The following ASAP1 variants were observed in gnomAD, a reference collection of about 807,000 sequenced individuals.
ASAP1 encodes the protein arf-GAP with SH3 domain, ANK repeat and PH domain-containing protein 1.
Under a neutral mutation model 145.2 loss-of-function variants are expected in ASAP1, and 43 were observed. The ratio of observed to expected loss-of-function variants is 0.30; its 90% CI spans 0.23 to 0.38. The LOEUF is 0.38. ASAP1 is among the 10% of genes least tolerant of loss of function. The pLI, the probability that ASAP1 is intolerant of heterozygous loss-of-function variation, is 1.00. For missense variants in ASAP1, 1,018 were observed against 1,355.3 expected (o/e 0.75, Z 3.91); for synonymous variants, 546 against 515.5 (o/e 1.06, Z -0.80).
chr8:130,331,011 G>C (rs996734831), intron 3 of ASAP1, among the ~76,000 whole-genome samples: 1 of 152,048 alleles, frequency 6.6e-6, no homozygotes, highest in Non-Finnish European at 1.5e-5. Context: ...GCTGTCCATT[G>C]GCCAGACCAG....
At chr8:130,185,564 TA>T (rs1814658396) in intron 7 of ASAP1, among the ~76,000 whole-genome samples, 1 of 151,442 alleles carries the variant, frequency 6.6e-6, no homozygotes, top group South Asian at 2.1e-4. Context: ...CCGTCTCTAC[TA>T]AAAATACAAA....
chr8:130,213,566 G>T (rs1027401529), intron 5 of ASAP1, among the ~76,000 whole-genome samples: 3 of 152,156 alleles, frequency 2.0e-5, no homozygotes, highest in African/African-American at 7.2e-5. Flanking sequence ...AATGAGTTCT[G>T]GATCCTTAAA....
chr8:130,186,111 CT>C (rs766594637), intron 7 of ASAP1, among the ~76,000 whole-genome samples: 2 of 152,118 alleles, frequency 1.3e-5, no homozygotes, highest in Admixed American at 6.6e-5. Context: ...ACTGTTGTCT[CT>C]GGGCAGCGGC....
At chr8:130,199,004 C>T (rs1270891442) in intron 5 of ASAP1, among the ~76,000 whole-genome samples, 1 of 152,164 alleles carries the variant, frequency 6.6e-6, no homozygotes, top group African/African-American at 2.4e-5. Flanking sequence ...CCACTTTGCA[C>T]GTGCTTTACT....
Position 130,119,655 on chromosome 8 carries a change from C to G in ASAP1, c.1608-980G>C, listed in dbSNP as rs147058183. ...GTGATGCTGTCTGACAGCCTGGATC[C>G]AGCTGTACCTGAATCCACCCCTTGA... On this transcript the variant is annotated intron_variant, in intron 18 of 29. Coordinates refer to ENST00000518721, the MANE Select transcript of ASAP1 (RefSeq NM_018482.4). Among the ~76,000 whole-genome samples the G allele has an allele frequency of 2.4e-3, 370 of 152,286 alleles. 2 individuals are homozygous for G. The highest frequency in any genetic ancestry group is 7.0e-3 in the South Asian group (34 of 4,826).
chr8:130,152,593 T>TC, intron 13 of ASAP1, 143 bp downstream of exon 13: 1 of 369,212 alleles, frequency 2.7e-6, no homozygotes, highest in South Asian at 7.8e-5. Context: ...GATAAAACTT[T>TC]TTTTTTTTTT....
chr8:130,071,264 G>T (rs1213723276), intron 27 of ASAP1, among the ~76,000 whole-genome samples: 1 of 152,006 alleles, frequency 6.6e-6, no homozygotes. Flanking sequence ...GAGCCACTGC[G>T]CCCAACACTT....
At chr8:130,311,169 T>G (rs1823319149) in intron 3 of ASAP1, among the ~76,000 whole-genome samples, 1 of 152,198 alleles carries the variant, frequency 6.6e-6, no homozygotes, top group Admixed American at 6.5e-5. Flanking sequence ...AAGTGACAAG[T>G]GCAATGCACC....
At chr8:130,182,094 A>G (rs1342028227) in intron 7 of ASAP1, among the ~76,000 whole-genome samples, 1 of 152,260 alleles carries the variant, frequency 6.6e-6, no homozygotes, top group African/African-American at 2.4e-5. Context: ...TCGAAGAGGC[A>G]TAACAGGGAT....
At position 130,259,885 on chromosome 8, in the gene ASAP1, T is replaced by C. The variant is rs548286177; in HGVS notation, c.187-22891A>G. Among the ~76,000 whole-genome samples the C allele has an allele frequency of 3.9e-5, 6 of 152,330 alleles. No individual in the cohort carries two copies. In the East Asian group the frequency reaches 7.7e-4, roughly 20 times the overall value. On this transcript the variant is annotated intron_variant, in intron 3 of 29. Transcript: ENST00000518721. ...AATGCTCATGAGGATAAATAAATACTAAGGCTTTCAAATTAAGTGCATTTA... is the reference window on the plus strand; with the variant it reads ...AATGCTCATGAGGATAAATAAATACCAAGGCTTTCAAATTAAGTGCATTTA...
At chr8:130,341,904 G>A (rs75584172) in intron 3 of ASAP1, among the ~76,000 whole-genome samples, 2,111 of 152,256 alleles carry the variant, frequency 0.014, 34 homozygotes, top group Non-Finnish European at 0.018. Flanking sequence ...GTTTTCTAAG[G>A]GTTCACTGGA....
At chr8:130,369,277 T>C (rs886880946) in intron 2 of ASAP1, among the ~76,000 whole-genome samples, 3 of 152,232 alleles carry the variant, frequency 2.0e-5, no homozygotes, top group Non-Finnish European at 4.4e-5. Context: ...AATTCACTTA[T>C]GTTACATATA....
At chr8:130,070,027 T>C (rs1044014103) in intron 27 of ASAP1, among the ~76,000 whole-genome samples, 8 of 152,334 alleles carry the variant, frequency 5.3e-5, no homozygotes, top group African/African-American at 1.9e-4. Flanking sequence ...TTCATGTGAA[T>C]TGACTGCATC....
intron 3 of ASAP1, among the ~76,000 whole-genome samples, chr8:130,310,544 A>C (rs1321343580): frequency 1.3e-5 from 2 of 152,206 alleles, no homozygotes; most frequent in East Asian, 3.8e-4. Context: ...GATAGTAACT[A>C]GACAGAAGGC....
At chr8:130,417,991 G>A (rs1280550404) in intron 1 of ASAP1, among the ~76,000 whole-genome samples, 3 of 152,174 alleles carry the variant, frequency 2.0e-5, no homozygotes, top group Non-Finnish European at 4.4e-5. Context: ...TTGCTTATGT[G>A]CCCAGATGGA....
At chr8:130,366,851 C>G (rs981282186) in intron 2 of ASAP1, among the ~76,000 whole-genome samples, 7 of 147,236 alleles carry the variant, frequency 4.8e-5, no homozygotes, top group Non-Finnish European at 1.0e-4. Context: ...ACTAATACCA[C>G]TATTTGCATT....
intron 2 of ASAP1, among the ~76,000 whole-genome samples, chr8:130,392,860 A>G (rs1828347832): frequency 6.6e-6 from 1 of 152,042 alleles, no homozygotes; most frequent in Non-Finnish European, 1.5e-5. Flanking sequence ...CAGAGTGAGA[A>G]CTCATTCATG....
chr8:130,289,473 T>C (rs974772198), intron 3 of ASAP1, among the ~76,000 whole-genome samples: 5 of 152,216 alleles, frequency 3.3e-5, no homozygotes, highest in African/African-American at 1.2e-4. Context: ...ATATCATATA[T>C]TCAAATTTTA....
chr8:130,246,917 T>C (rs1048088615), intron 3 of ASAP1: 4 of 152,218 alleles, frequency 2.6e-5, no homozygotes, highest in Non-Finnish European at 4.4e-5. Context: ...CAGTTCTAAG[T>C]GACCATTAAT....
Sources: gnomAD v4.1 joint callset for allele counts (sites outside exome capture counted in the v4.1 genomes callset) on GRCh38, gnomAD v4.1.1 for gene constraint, MANE v1.5 for transcripts, NCBI Gene and HGNC (gene_info 2026-07-23, HGNC 2026-07-21) for gene names.